The following PPP1R7 variants were observed in gnomAD, a reference collection of about 807,000 sequenced individuals.
PPP1R7 encodes the protein protein phosphatase 1 regulatory subunit 7, also known as protein phosphatase 1 regulatory subunit 22.
PPP1R7 carries 18 observed loss-of-function variants against 45.2 expected under a neutral mutation model. The observed-to-expected ratio is 0.40, with a 90% CI of 0.28 to 0.59. PPP1R7 has a LOEUF of 0.59. Among genes scored for constraint, PPP1R7 ranks in the 20% least tolerant of loss-of-function variants. The pLI is 0.46. For synonymous variants in PPP1R7, 181 were observed against 183.4 expected (o/e 0.99, Z 0.11); for missense variants, 314 against 455.8 (o/e 0.69, Z 2.83).
intron 1 of PPP1R7, 87 bp from the exon 2 acceptor site, chr2:241,153,389 C>G: frequency 2.6e-6 from 4 of 1,538,174 alleles, no homozygotes; most frequent in African/African-American, 1.4e-5. Context: ...AAATGAAATC[C>G]TTTTGACTTA....
At chr2:241,177,728 A>G (rs1404495508) in intron 9 of PPP1R7, among the ~76,000 whole-genome samples, 2 of 152,226 alleles carry the variant, frequency 1.3e-5, no homozygotes, top group African/African-American at 4.8e-5. Flanking sequence ...GGCTGAGACC[A>G]GCACTGCCCT....
chr2:241,159,454 TC>T lies in PPP1R7; in HGVS notation c.434+112del, dbSNP rs1174516920. The stretch of plus-strand genomic sequence containing the variant: ...GGCTCTTAGCCCTTGAGAGGCTGCC[TC>T]TGCCACAGGGTCCTGCCCTGCATCT... On this transcript the variant is annotated intron_variant, in intron 5 of 9. Coordinates refer to ENST00000234038, the MANE Select transcript of PPP1R7 (RefSeq NM_002712.3). 4 of 1,372,712 alleles carry T rather than the reference TC, an allele frequency of 2.9e-6. No individual in the cohort carries two copies. The East Asian group carries it at 1.0e-4, about 36-fold the overall frequency. 85.0% of individuals were successfully genotyped at this position (1,372,712 alleles called of 1,614,324 possible).
intron 4 of PPP1R7, chr2:241,158,992 T>C: frequency 1.8e-6 from 1 of 546,046 alleles, no homozygotes; most frequent in South Asian, 2.2e-5. Flanking sequence ...GCCTCCTGCC[T>C]CCCTTTGGGT....
chr2:241,153,462 A>C lies in PPP1R7; in HGVS notation c.53-14A>C. 6.2e-7 allele frequency: 1 copy of C among 1,610,582 alleles called. No individual in the cohort carries two copies. The highest frequency in any genetic ancestry group is 8.5e-7 in the Non-Finnish European group (1 of 1,178,194). ...AAAGTGGATGTGAATTCTCATTGAC[A>C]TGTGTGGGTTCAGTTGACAGGCGGG... On this transcript the variant is annotated splice_polypyrimidine_tract_variant and intron_variant, in intron 1 of 9. Coordinates refer to ENST00000234038, the MANE Select transcript of PPP1R7 (RefSeq NM_002712.3).
intron 9 of PPP1R7, among the ~76,000 whole-genome samples, chr2:241,180,875 G>A (rs547569281): frequency 6.6e-6 from 1 of 152,224 alleles, no homozygotes; most frequent in Non-Finnish European, 1.5e-5. Flanking sequence ...AGGCTGGTAC[G>A]CACTAGTCCC....
At position 241,160,413 on chromosome 2, in the gene PPP1R7, C is replaced by G; in HGVS notation, c.516C>G (p.Val172=). ...KLTRLKKLFL[V]NNKISKIENL... ...CACGACTGAAAAAACTCTTCTTGGT[C>G]AACAATAAAATCAGTAAAATTGAGA... Residue 172 remains valine, a synonymous_variant, in exon 6 of 10, where the codon GTC becomes GTG. Coordinates refer to ENST00000234038, the MANE Select transcript of PPP1R7 (RefSeq NM_002712.3). 2 of 1,613,028 alleles carry G rather than the reference C, an allele frequency of 1.2e-6. No individual in the cohort carries two copies. Among genetic ancestry groups the G allele is most frequent in the Non-Finnish European group, 1.7e-6 (2 of 1,179,662 alleles).
intron 7 of PPP1R7, among the ~76,000 whole-genome samples, chr2:241,165,663 G>A (rs1315806134): frequency 6.6e-6 from 1 of 151,680 alleles, no homozygotes; most frequent in Non-Finnish European, 1.5e-5. Flanking sequence ...GTGCAATCTC[G>A]GCTCACTGCA....
chr2:241,162,826 G>T (rs1167179808), intron 6 of PPP1R7, among the ~76,000 whole-genome samples: 2 of 152,056 alleles, frequency 1.3e-5, no homozygotes, highest in East Asian at 3.9e-4. Context: ...GGAACTACAG[G>T]CACCCGCCGC....
chr2:241,149,586 C>T (rs1038422019), upstream of PPP1R7: 3 of 1,466,644 alleles, frequency 2.0e-6, no homozygotes, highest in African/African-American at 2.8e-5. Context: ...GAAGCCCGCG[C>T]TAAGGGTTGC....
intron 3 of PPP1R7, 119 bp from the exon 4 acceptor site, chr2:241,158,365 G>C: frequency 1.1e-6 from 1 of 873,772 alleles, no homozygotes; most frequent in African/African-American, 1.7e-5. Flanking sequence ...TCTGTCTGCT[G>C]CAGACCCACC....
chr2:241,155,546 T>C (rs1299333156), intron 2 of PPP1R7, among the ~76,000 whole-genome samples: 1 of 152,238 alleles, frequency 6.6e-6, no homozygotes, highest in African/African-American at 2.4e-5. Flanking sequence ...TTCCTTAAAT[T>C]ATTTTTAAAA....
At chr2:241,149,671 G>T, upstream of PPP1R7, 6 of 1,546,586 alleles carry the variant, frequency 3.9e-6, no homozygotes, top group Non-Finnish European at 5.2e-6. Flanking sequence ...CCCCGGGCCG[G>T]GCAGATGCGG....
chr2:241,164,214 TTCCACCCACCCAC>T (rs2067658007), intron 7 of PPP1R7, among the ~76,000 whole-genome samples: 1 of 152,156 alleles, frequency 6.6e-6, no homozygotes, highest in South Asian at 2.1e-4. Context: ...TTTTGGCTTT[TTCCACCCACCCAC>T]CTCCCCCTTC....
Position 241,153,799 on chromosome 2 carries a change from G to A in PPP1R7, c.181+195G>A, listed in dbSNP as rs1273886028. On this transcript the variant is annotated intron_variant, in intron 2 of 9. Coordinates refer to ENST00000234038, the MANE Select transcript of PPP1R7 (RefSeq NM_002712.3). ...TTCAGCAGGCTGACTCATTGATGGC[G>A]TTTGCAAAAAGGATGTGGTTTTTTC... 5.9e-5 allele frequency among the ~76,000 whole-genome samples: 9 copies of A among 152,080 alleles called. 2 individuals carry two copies. The highest frequency in any genetic ancestry group is 4.1e-4 in the South Asian group (2 of 4,834).
At chr2:241,150,992 T>G (rs796599809) in intron 1 of PPP1R7, among the ~76,000 whole-genome samples, 34 of 152,262 alleles carry the variant, frequency 2.2e-4, no homozygotes, top group African/African-American at 8.2e-4. Flanking sequence ...TCGAATGGAC[T>G]GTTGGGAAGG....
chr2:241,150,907 A>G (rs546349485), intron 1 of PPP1R7, among the ~76,000 whole-genome samples: 3 of 152,090 alleles, frequency 2.0e-5, no homozygotes, highest in South Asian at 2.1e-4. Context: ...TGACGAGGAA[A>G]CTGAGGCGCT....
At chr2:241,159,414 A>G in intron 5 of PPP1R7, 71 bp downstream of exon 5, 1 of 1,571,332 alleles carries the variant, frequency 6.4e-7, no homozygotes, top group South Asian at 1.1e-5. Flanking sequence ...CAGTCTCCAG[A>G]GCCAACCTCC....
intron 9 of PPP1R7, among the ~76,000 whole-genome samples, chr2:241,180,124 C>T (rs1207660841): frequency 1.3e-5 from 2 of 152,222 alleles, no homozygotes; most frequent in Non-Finnish European, 2.9e-5. Flanking sequence ...GCTTGAAGAC[C>T]TCCCACGCCA....
At chr2:241,159,477 A>C (rs550720360) in intron 5 of PPP1R7, 134 bp downstream of exon 5, 1 of 1,142,532 alleles carries the variant, frequency 8.8e-7, no homozygotes, top group East Asian at 2.9e-5. Context: ...CCTGCCCTGC[A>C]TCTGAATCCC....
Sources: gnomAD v4.1 joint callset for allele counts (sites outside exome capture counted in the v4.1 genomes callset) on GRCh38, gnomAD v4.1.1 for gene constraint, MANE v1.5 for transcripts, NCBI Gene and HGNC (gene_info 2026-07-23, HGNC 2026-07-21) for gene names.